Variants in PACS1 observed in about 807,000 individuals in gnomAD.
PACS1 encodes the protein PACS-1.
A neutral mutation model predicts 115.0 loss-of-function variants in PACS1; 24 were observed. That is an observed-to-expected ratio of 0.21 (90% CI 0.15 to 0.29). The LOEUF (loss-of-function observed/expected upper bound fraction) is 0.29. Among genes scored for constraint, PACS1 ranks in the 10% least tolerant of loss-of-function variants. The pLI, the probability that PACS1 is intolerant of heterozygous loss-of-function variation, is 1.00. For missense variants in PACS1, 838 were observed against 1,251.2 expected (o/e 0.67, Z 4.98); for synonymous variants, 453 against 504.5 (o/e 0.90, Z 1.37).
At chr11:66,226,318 C>G (rs572401934) in intron 10 of PACS1, among the ~76,000 whole-genome samples, 26 of 152,342 alleles carry the variant, frequency 1.7e-4, no homozygotes, top group African/African-American at 6.0e-4. Flanking sequence ...CAGAGTCTGG[C>G]TCAGGCATGC....
At chr11:66,221,804 C>T (rs964990824) in intron 10 of PACS1, among the ~76,000 whole-genome samples, 2 of 152,128 alleles carry the variant, frequency 1.3e-5, no homozygotes, top group African/African-American at 4.8e-5. Context: ...CCAGCGCCTT[C>T]CCTCTCAGAA....
chr11:66,082,690 C>T (rs1857506807), intron 1 of PACS1, among the ~76,000 whole-genome samples: 1 of 151,974 alleles, frequency 6.6e-6, no homozygotes, highest in African/African-American at 2.4e-5. Context: ...TCCATCTTTA[C>T]TAAAAATACA....
In PACS1 at chr11:66,235,836, T is replaced by A. The variant is rs1444721232; in HGVS notation, c.2208-62T>A. 2 of 1,418,530 alleles carry A rather than the reference T, an allele frequency of 1.4e-6. No homozygotes were observed. Among genetic ancestry groups the A allele is most frequent in the Non-Finnish European group, 2.0e-6 (2 of 1,003,132 alleles). 87.9% of individuals were successfully genotyped at this position (1,418,530 alleles called of 1,614,324 possible). On this transcript the variant is annotated intron_variant, in intron 18 of 23. Transcript: ENST00000320580. The surrounding 1 kb of genome is among the most constrained non-coding windows in gnomAD (Gnocchi z 5.6). ...GCCACAGTGAGATAGGAAAGGCCAA[T>A]TCCCCAGCACTCCTCCCTGTCTCTC...
intron 4 of PACS1, among the ~76,000 whole-genome samples, chr11:66,213,253 A>G (rs1855118861): frequency 6.6e-6 from 1 of 152,208 alleles, no homozygotes; most frequent in African/African-American, 2.4e-5. Context: ...ATGGGGCTGA[A>G]TCTGCTACTA....
intron 1 of PACS1, among the ~76,000 whole-genome samples, chr11:66,180,710 T>C (rs1040141230): frequency 6.6e-6 from 1 of 151,698 alleles, no homozygotes; most frequent in Admixed American, 6.6e-5. Flanking sequence ...CCAGGCTGGA[T>C]TGCAGTGGTA....
intron 1 of PACS1, among the ~76,000 whole-genome samples, chr11:66,150,304 C>T (rs1008053154): frequency 5.3e-5 from 8 of 152,044 alleles, no homozygotes; most frequent in South Asian, 4.1e-4. Flanking sequence ...AAAACAAAAC[C>T]GAAACAAAGA....
chr11:66,111,538 A>G (rs1028976624), intron 1 of PACS1, among the ~76,000 whole-genome samples: 3 of 152,224 alleles, frequency 2.0e-5, no homozygotes, highest in African/African-American at 7.2e-5. Context: ...GATTCTCTCC[A>G]CAACGCCAAA....
Position 66,238,916 on chromosome 11 carries a change from G to A in PACS1, c.2293+70G>A. On this transcript the variant is annotated intron_variant, in intron 20 of 23. Coordinates refer to ENST00000320580, the MANE Select transcript of PACS1 (RefSeq NM_018026.4). Reference sequence around the variant, plus strand: ...TCCCTGTCTTCCCTCTAGTCCAGCAGGCCAGAAGTTAAGCTCTGGATGCCC... The same window carrying A: ...TCCCTGTCTTCCCTCTAGTCCAGCAAGCCAGAAGTTAAGCTCTGGATGCCC... 2.0e-6 allele frequency: 3 copies of A among 1,479,662 alleles called. No homozygotes were observed. The Admixed American group carries it at 5.9e-5, about 29-fold the overall frequency. The allele number at this position is 1,479,662 out of a possible 1,614,324, so 91.7% of individuals were successfully genotyped here.
chr11:66,092,317 C>T (rs1438193264), intron 1 of PACS1, among the ~76,000 whole-genome samples: 2 of 152,052 alleles, frequency 1.3e-5, no homozygotes, highest in African/African-American at 4.8e-5. Flanking sequence ...GCATAAATGT[C>T]TTCTTTTGAG....
chr11:66,133,355 GT>G (rs1246293706), intron 1 of PACS1, among the ~76,000 whole-genome samples: 3 of 152,202 alleles, frequency 2.0e-5, no homozygotes, highest in African/African-American at 2.4e-5. Flanking sequence ...GAGGAGCTGA[GT>G]TTTTTTCCTA....
Position 66,227,560 on chromosome 11 carries a change from C to T in PACS1, c.1350C>T (p.Asp450=). 2 of 1,610,752 alleles carry T rather than the reference C, an allele frequency of 1.2e-6. No homozygotes were observed. The highest frequency in any genetic ancestry group is 1.7e-6 in the Non-Finnish European group (2 of 1,177,670). ...IKSTWIKNQD[D]SLTETDTLEI... is the part of the protein sequence containing the mutation. ...CTACTTGGATTAAAAACCAAGATGA[C>T]AGCTTGACTGAAACAGACACTCTGG... The change falls in exon 11 of 24, where the codon GAC becomes GAT. Residue 450 remains aspartate, a synonymous_variant. Coordinates refer to ENST00000320580, the MANE Select transcript of PACS1 (RefSeq NM_018026.4).
chr11:66,091,766 G>A (rs968440077), intron 1 of PACS1, among the ~76,000 whole-genome samples: 1 of 151,288 alleles, frequency 6.6e-6, no homozygotes, highest in Non-Finnish European at 1.5e-5. Flanking sequence ...GCGAGAATAT[G>A]CAGTGTTTGG....
chr11:66,221,020 C>T (rs1855332523), intron 9 of PACS1, 134 bp from the exon 10 acceptor site: 3 of 929,730 alleles, frequency 3.2e-6, no homozygotes, highest in East Asian at 2.4e-5. Context: ...CTTCACCCTG[C>T]ACTTCCCTGC....
intron 1 of PACS1, among the ~76,000 whole-genome samples, chr11:66,123,020 A>G (rs912570984): frequency 6.6e-6 from 1 of 152,148 alleles, no homozygotes; most frequent in Non-Finnish European, 1.5e-5. Flanking sequence ...ATCTTTAATG[A>G]AAGGAAGAGT....
chr11:66,081,279 C>G (rs1857473182), intron 1 of PACS1, among the ~76,000 whole-genome samples: 1 of 152,076 alleles, frequency 6.6e-6, no homozygotes, highest in Non-Finnish European at 1.5e-5. Context: ...CCCTGTCTCA[C>G]AGGATTATCA....
At chr11:66,099,545 CT>C (rs1857866066) in intron 1 of PACS1, among the ~76,000 whole-genome samples, 1 of 151,002 alleles carries the variant, frequency 6.6e-6, no homozygotes, top group Non-Finnish European at 1.5e-5. Flanking sequence ...ATATCATTTT[CT>C]TTTTTGGGGG....
intron 1 of PACS1, among the ~76,000 whole-genome samples, chr11:66,154,125 T>C (rs1463095707): frequency 6.6e-6 from 1 of 152,208 alleles, no homozygotes; most frequent in Non-Finnish European, 1.5e-5. Flanking sequence ...TCAATGTGTA[T>C]GTCCCTGATA....
intron 2 of PACS1, among the ~76,000 whole-genome samples, chr11:66,206,219 A>G (rs935700321): frequency 2.6e-5 from 4 of 152,220 alleles, no homozygotes; most frequent in Non-Finnish European, 4.4e-5. Context: ...TTAATGTGCT[A>G]TGTTACTTTA....
At chr11:66,240,425 C>T (rs536199804) in intron 21 of PACS1, among the ~76,000 whole-genome samples, 13 of 152,294 alleles carry the variant, frequency 8.5e-5, no homozygotes, top group East Asian at 5.8e-4. Context: ...CTTCCGCCTT[C>T]GCCTCTTCCC....
Sources: gnomAD v4.1 joint callset for allele counts (sites outside exome capture counted in the v4.1 genomes callset) on GRCh38, gnomAD v4.1.1 for gene constraint, Gnocchi (gnomAD v3.1) non-coding constraint, MANE v1.5 for transcripts, NCBI Gene and HGNC (gene_info 2026-07-23, HGNC 2026-07-21) for gene names.